DLGAP4: variants seen among roughly 807,000 people sequenced by gnomAD.
The protein encoded by DLGAP4 is disks large-associated protein 4.
DLGAP4 carries 18 observed loss-of-function variants against 86.9 expected under a neutral mutation model. The ratio of observed to expected loss-of-function variants is 0.21; its 90% CI spans 0.14 to 0.31. The LOEUF is 0.31. Ranked by LOEUF, DLGAP4 falls within the 10% of genes least tolerant of loss-of-function variation. The pLI, the probability that DLGAP4 is intolerant of heterozygous loss-of-function variation, is 1.00. For missense variants in DLGAP4, 1,085 were observed against 1,362.6 expected (o/e 0.80, Z 3.21); for synonymous variants, 548 against 574.3 (o/e 0.95, Z 0.65).
chr20:36,509,582 AAAT>A (rs202101394), intron 10 of DLGAP4, among the ~76,000 whole-genome samples: 2 of 151,814 alleles, frequency 1.3e-5, no homozygotes, highest in Non-Finnish European at 2.9e-5. Context: ...AAAAATAAAT[AAAT>A]AATAATAATA....
intron 2 of DLGAP4, among the ~76,000 whole-genome samples, chr20:36,397,135 C>A: frequency 6.6e-6 from 1 of 152,122 alleles, no homozygotes; most frequent in East Asian, 1.9e-4. Flanking sequence ...AACAGACACG[C>A]CTGACCTTGT....
At chr20:36,476,637 C>A (rs2034942324) in intron 7 of DLGAP4, among the ~76,000 whole-genome samples, 1 of 150,524 alleles carries the variant, frequency 6.6e-6, no homozygotes, top group Admixed American at 6.6e-5. Flanking sequence ...CCAGCAACCA[C>A]CATTCTTTCT....
rs1398055240 is a variant in DLGAP4 at position 36,500,802 on chromosome 20, A to C, written c.2512+191A>C. Among the ~76,000 whole-genome samples the C allele has an allele frequency of 6.6e-6, 1 of 152,134 alleles. No individual in the cohort carries two copies. Among genetic ancestry groups the C allele is most frequent in the African/African-American group, 2.4e-5 (1 of 41,404 alleles). On this transcript the variant is annotated intron_variant, in intron 10 of 12. Transcript: ENST00000339266. This position sits in a 1 kb window ranked among gnomAD's most constrained non-coding sequence, Gnocchi z 4.6. ...CACCTATTTAACCAAACCTCTTTCCAGAAAGGGTTGCTGGTGATAGCTGTT... is the reference window on the plus strand; with the variant it reads ...CACCTATTTAACCAAACCTCTTTCCCGAAAGGGTTGCTGGTGATAGCTGTT...
intron 2 of DLGAP4, among the ~76,000 whole-genome samples, chr20:36,374,178 C>T (rs941460059): frequency 2.0e-5 from 3 of 152,120 alleles, no homozygotes; most frequent in Non-Finnish European, 4.4e-5. Flanking sequence ...AGACATCAAC[C>T]CTCTCTGTCC....
At chr20:36,424,169 G>T (rs557679525) in intron 2 of DLGAP4, among the ~76,000 whole-genome samples, 17 of 152,176 alleles carry the variant, frequency 1.1e-4, no homozygotes, top group Non-Finnish European at 2.1e-4. Context: ...TCTGTGACAG[G>T]TGAAGGGGAC....
At chr20:36,322,406 G>C (rs528246290) in intron 1 of DLGAP4, among the ~76,000 whole-genome samples, 3 of 152,122 alleles carry the variant, frequency 2.0e-5, no homozygotes, top group Non-Finnish European at 4.4e-5. Flanking sequence ...GGGTTGTGGC[G>C]CCAGAAGGTC....
chr20:36,363,286 G>A (rs1181234143), intron 1 of DLGAP4, among the ~76,000 whole-genome samples: 1 of 152,232 alleles, frequency 6.6e-6, no homozygotes, highest in Non-Finnish European at 1.5e-5. Context: ...TGTGGCGTCT[G>A]CAGGGCTGTT....
At chr20:36,474,707 T>C (rs1048385848) in intron 7 of DLGAP4, among the ~76,000 whole-genome samples, 1 of 152,072 alleles carries the variant, frequency 6.6e-6, no homozygotes, top group Admixed American at 6.5e-5. Context: ...GTCCCAGCAG[T>C]TTCTTTAAAA....
At chr20:36,456,144 C>T (rs1342575652) in intron 7 of DLGAP4, among the ~76,000 whole-genome samples, 1 of 152,196 alleles carries the variant, frequency 6.6e-6, no homozygotes, top group Non-Finnish European at 1.5e-5. Context: ...TCCCAACATG[C>T]ACGTGCGCAC....
intron 1 of DLGAP4, among the ~76,000 whole-genome samples, chr20:36,358,701 G>C (rs1383519091): frequency 1.3e-5 from 2 of 152,226 alleles, no homozygotes; most frequent in Non-Finnish European, 2.9e-5. Context: ...CCAGCTACTC[G>C]GGAGGCTGAG....
intron 2 of DLGAP4, among the ~76,000 whole-genome samples, chr20:36,422,055 C>T (rs772814755): frequency 6.6e-6 from 1 of 152,040 alleles, no homozygotes; most frequent in African/African-American, 2.4e-5. Flanking sequence ...GGGTTGAGCA[C>T]GGGAAGGGTG....
chr20:36,433,145 AGT>A, intron 3 of DLGAP4, among the ~76,000 whole-genome samples: 1 of 152,324 alleles, frequency 6.6e-6, no homozygotes, highest in South Asian at 2.1e-4. Flanking sequence ...GCATGCAGGA[AGT>A]GCTCAGGAAA....
Position 36,454,152 on chromosome 20 carries a change from G to T in DLGAP4, c.1648+7215G>T, listed in dbSNP as rs111546529. On this transcript the variant is annotated intron_variant, in intron 7 of 12. Transcript: ENST00000339266. ...TGGGCGCCTGTAATCCTAGCTACTC[G>T]GGAGGCTGAGGCAGGAGAGTCACTT... Among the ~76,000 whole-genome samples, 1,431 of 150,664 alleles carry T rather than the reference G, an allele frequency of 9.5e-3. 25 individuals carry two copies. Among genetic ancestry groups the T allele is most frequent in the African/African-American group, 0.034 (1,384 of 41,042 alleles).
chr20:36,461,904 G>A, intron 7 of DLGAP4: 1 of 984,568 alleles, frequency 1.0e-6, no homozygotes, highest in Non-Finnish European at 1.2e-6. Context: ...TCCCCATCTC[G>A]GGTCCCCTTC....
At chr20:36,411,351 G>C (rs1600495968) in intron 2 of DLGAP4, among the ~76,000 whole-genome samples, 2 of 152,096 alleles carry the variant, frequency 1.3e-5, no homozygotes, top group East Asian at 3.9e-4. Context: ...CAGATGCCCT[G>C]ACCCCGTTCT....
chr20:36,527,212 G>T lies in DLGAP4; in HGVS notation c.*181G>T. ...TTTTTTGGGTCCCTCCCAGCTTTAGGTTATGAAGATTTTACTCACAAAAAA... is the reference window on the plus strand; with the variant it reads ...TTTTTTGGGTCCCTCCCAGCTTTAGTTTATGAAGATTTTACTCACAAAAAA... On this transcript the variant is annotated 3_prime_UTR_variant, in exon 13 of 13. Coordinates refer to ENST00000339266, the MANE Select transcript of DLGAP4 (RefSeq NM_001365621.2). The T allele has an allele frequency of 2.0e-6, 1 of 506,156 alleles. No homozygotes were observed. 31.4% of individuals were successfully genotyped at this position (506,156 alleles called of 1,614,324 possible).
intron 7 of DLGAP4, among the ~76,000 whole-genome samples, chr20:36,447,481 C>T (rs182135083): frequency 7.2e-5 from 11 of 152,200 alleles, no homozygotes; most frequent in Admixed American, 1.3e-4. Flanking sequence ...ACTGCAGTGG[C>T]ATGATCTTGG....
intron 11 of DLGAP4, among the ~76,000 whole-genome samples, chr20:36,524,905 T>C (rs769116478): frequency 1.7e-4 from 25 of 151,208 alleles, no homozygotes; most frequent in Non-Finnish European, 2.9e-4. Context: ...AGCGAAACTC[T>C]GTCTCAAAAA....
intron 7 of DLGAP4, among the ~76,000 whole-genome samples, chr20:36,472,154 A>G (rs913155938): frequency 1.3e-5 from 2 of 152,266 alleles, no homozygotes; most frequent in African/African-American, 2.4e-5. Flanking sequence ...AGCAGGGATG[A>G]GGAAGGGAAA....
Sources: allele counts gnomAD v4.1 joint callset (sites outside exome capture counted in the v4.1 genomes callset), GRCh38; gene constraint gnomAD v4.1.1; non-coding constraint Gnocchi (gnomAD v3.1); transcripts MANE v1.5; gene names NCBI Gene and HGNC (gene_info 2026-07-23, HGNC 2026-07-21).